Variants in RAB40A observed in about 807,000 individuals in gnomAD.
RAB40A encodes ras-related protein Rab-40A.
For synonymous variants in RAB40A, 65 were observed against 99.9 expected (o/e 0.65, Z 2.08); for missense variants, 145 against 230.2 (o/e 0.63, Z 2.40).
intron 2 of RAB40A, among the ~76,000 whole-genome samples, chrX:103,506,331 T>C (rs2073254693): frequency 9.0e-6 from 1 of 111,456 alleles, no homozygotes; most frequent in Non-Finnish European, 1.9e-5. Context: ...TTATTAATTA[T>C]AATAGCTTTA....
At chrX:103,501,326 C>G (rs1362389085) in intron 2 of RAB40A, 1 of 125,401 alleles carries the variant, frequency 8.0e-6, no homozygotes. Context: ...AGCCAGTGCT[C>G]TCCTCATATA....
chrX:103,503,032 T>C (rs750861327), intron 2 of RAB40A: 1 of 750,812 alleles, frequency 1.3e-6, no homozygotes, highest in East Asian at 1.5e-4. Flanking sequence ...CAAATCTCTC[T>C]CTGATATGCC....
chrX:103,517,826 G>A (rs1160399287), intron 1 of RAB40A, among the ~76,000 whole-genome samples: 2 of 111,724 alleles, frequency 1.8e-5, no homozygotes, highest in African/African-American at 6.5e-5. Flanking sequence ...AATCTAAGGT[G>A]CATCTACATC....
chrX:103,501,531 A>G (rs191933271), intron 2 of RAB40A: 1 of 124,023 alleles, frequency 8.1e-6, no homozygotes, highest in East Asian at 2.8e-4. Context: ...ATTTTGCTAG[A>G]GTGTCTCATA....
At chrX:103,510,069 G>C (rs2073281104) in intron 2 of RAB40A, among the ~76,000 whole-genome samples, 1 of 112,169 alleles carries the variant, frequency 8.9e-6, no homozygotes, top group African/African-American at 3.2e-5. Flanking sequence ...CTCCCAAAAT[G>C]CTGGGATTAT....
downstream of RAB40A, among the ~76,000 whole-genome samples, chrX:103,497,347 A>AGATGGATG (rs201929979): frequency 9.9e-5 from 11 of 110,556 alleles, no homozygotes; most frequent in South Asian, 3.9e-4. Context: ...GGGGATGGAT[A>AGATGGATG]GATGGATGGA....
intron 2 of RAB40A, among the ~76,000 whole-genome samples, chrX:103,506,698 C>T (rs1255592173): frequency 9.2e-6 from 1 of 108,138 alleles, no homozygotes; most frequent in African/African-American, 3.6e-5. Context: ...GCCCAACTCC[C>T]ATCCCTTGAC....
At chrX:103,516,075 T>G (rs954883565) in intron 2 of RAB40A, among the ~76,000 whole-genome samples, 11 of 112,109 alleles carry the variant, frequency 9.8e-5, no homozygotes, top group African/African-American at 3.2e-4. Context: ...TTCTGGGTGC[T>G]GATTATCTAT....
intron 2 of RAB40A, chrX:103,503,080 T>A: frequency 1.3e-6 from 1 of 751,576 alleles, no homozygotes; most frequent in Non-Finnish European, 1.6e-6. Context: ...GTTCTCTACA[T>A]TCTTGGATGT....
rs373450734 is a variant in RAB40A at position 103,509,289 on chromosome X, ATCTCTCTCTC to A, written c.-71+8075_-71+8084del. ...CCCTCATCACCCAATCAGCCACAGG[ATCTCTCTCTC>A]TCTCTCTCTCTCTCTCTCTCTGTCT... On this transcript the variant is annotated intron_variant, in intron 2 of 2. Coordinates refer to ENST00000304236, the MANE Select transcript of RAB40A (RefSeq NM_080879.3). Among the ~76,000 whole-genome samples, 337 of 86,101 alleles carry A rather than the reference ATCTCTCTCTC, an allele frequency of 3.9e-3. 3 individuals carry two copies. Among genetic ancestry groups the A allele is most frequent in the African/African-American group, 0.012 (291 of 23,520 alleles). The allele number at this position is 86,101 out of a possible 115,157, so 74.8% of individuals were successfully genotyped here.
intron 2 of RAB40A, among the ~76,000 whole-genome samples, chrX:103,507,389 T>G (rs1342369588): frequency 3.9e-5 from 4 of 103,217 alleles, no homozygotes; most frequent in African/African-American, 1.8e-4. Flanking sequence ...TTTTCTCCCT[T>G]GTTTTAATAC....
At chrX:103,503,572 T>TAAAA (rs113570594) in intron 2 of RAB40A, 13 of 518,911 alleles carry the variant, frequency 2.5e-5, no homozygotes, top group Non-Finnish European at 3.0e-5. Context: ...TGTCCTCCTT[T>TAAAA]AAAAAAAAAA....
chrX:103,503,386 C>T lies in RAB40A; in HGVS notation c.-70-2560G>A, dbSNP rs931090605. Reference sequence around the variant, plus strand: ...ATGCACGGGCAATGGAGGCTAAATGCCCTGCTGTCTGTGAGGGACCTCTCC... The same window carrying T: ...ATGCACGGGCAATGGAGGCTAAATGTCCTGCTGTCTGTGAGGGACCTCTCC... On this transcript the variant is annotated intron_variant, in intron 2 of 2. Coordinates refer to ENST00000304236, the MANE Select transcript of RAB40A (RefSeq NM_080879.3). 8.0e-6 allele frequency: 6 copies of T among 751,097 alleles called. No individual in the cohort carries two copies. In the South Asian group the frequency reaches 2.7e-4, roughly 34 times the overall value. 61.9% of individuals were successfully genotyped at this position (751,097 alleles called of 1,213,427 possible). A position where few individuals can be genotyped will look rare whatever the true frequency, so the allele number is the denominator to read the frequency against.
chrX:103,515,973 T>C (rs1343580498), intron 2 of RAB40A, among the ~76,000 whole-genome samples: 1 of 112,021 alleles, frequency 8.9e-6, no homozygotes, highest in African/African-American at 3.2e-5. Flanking sequence ...GTGTTTGTGG[T>C]GAAACATGCA....
chrX:103,504,122 C>T (rs1318150282), intron 2 of RAB40A, among the ~76,000 whole-genome samples: 1 of 111,274 alleles, frequency 9.0e-6, no homozygotes, highest in Non-Finnish European at 1.9e-5. Context: ...TAAGTGGAAA[C>T]TAAACATTGG....
intron 1 of RAB40A, among the ~76,000 whole-genome samples, chrX:103,518,699 AAAAC>A (rs1265660742): frequency 1.8e-5 from 2 of 112,152 alleles, no homozygotes; most frequent in Non-Finnish European, 3.8e-5. Flanking sequence ...AAAATAAAAT[AAAAC>A]AAACAATATC....
intron 2 of RAB40A, among the ~76,000 whole-genome samples, chrX:103,505,551 G>A (rs2073250306): frequency 9.0e-6 from 1 of 111,122 alleles, no homozygotes; most frequent in African/African-American, 3.3e-5. Context: ...AATTTGCATT[G>A]TCCTAAAAAC....
Position 103,519,428 on chromosome X carries a change from A to G in RAB40A, c.-281T>C, listed in dbSNP as rs919132198. The G allele has an allele frequency of 8.9e-6, 1 of 112,171 alleles. No homozygotes were observed. Among genetic ancestry groups the G allele is most frequent in the Non-Finnish European group, 1.9e-5 (1 of 53,185 alleles). 9.2% of individuals were successfully genotyped at this position (112,171 alleles called of 1,213,427 possible). On this transcript the variant is annotated 5_prime_UTR_variant, in exon 1 of 3. An upstream open reading frame in the 5' UTR loses its in-frame stop. Coordinates refer to ENST00000304236, the MANE Select transcript of RAB40A (RefSeq NM_080879.3). ...TGATACAGTTGACACTTCTTACCCTACAGGAGATTATTCAGCCTATCAGCC... is the reference window on the plus strand; with the variant it reads ...TGATACAGTTGACACTTCTTACCCTGCAGGAGATTATTCAGCCTATCAGCC...
chrX:103,506,915 T>A (rs920750848), intron 2 of RAB40A, among the ~76,000 whole-genome samples: 21 of 112,546 alleles, frequency 1.9e-4, no homozygotes, highest in Admixed American at 5.6e-4. Context: ...TAATTTTTTT[T>A]AATTTTATTT....
Sources: allele counts gnomAD v4.1 joint callset (sites outside exome capture counted in the v4.1 genomes callset), GRCh38; gene constraint gnomAD v4.1.1; transcripts MANE v1.5; gene names NCBI Gene and HGNC (gene_info 2026-07-23, HGNC 2026-07-21).